APBB1: variants seen among roughly 807,000 people sequenced by gnomAD.
The protein encoded by APBB1 is adaptor protein FE65a2.
Under a neutral mutation model 78.4 loss-of-function variants are expected in APBB1, and 22 were observed. That is an observed-to-expected ratio of 0.28 (90% confidence interval 0.20 to 0.40). The LOEUF is 0.40. Among genes scored for constraint, APBB1 ranks in the 10% least tolerant of loss-of-function variants. APBB1 has a pLI of 1.00. For synonymous variants in APBB1, 369 were observed against 372.7 expected, an observed-to-expected ratio of 0.99 and a Z score of 0.12; for missense variants, 749 against 932.4, an observed-to-expected ratio of 0.80 and a Z score of 2.56.
chr11:6,404,340 A>C (rs1848688529), intron 2 of APBB1, among the ~76,000 whole-genome samples: 2 of 152,138 alleles, frequency 1.3e-5, no homozygotes, highest in Admixed American at 1.3e-4. Flanking sequence ...GCACACACAC[A>C]CAAACTTTAG....
At chr11:6,402,418 T>A in intron 7 of APBB1, 158 bp downstream of exon 7, 2 of 1,084,320 alleles carry the variant, frequency 1.8e-6, no homozygotes, top group Non-Finnish European at 2.7e-6. Context: ...CCCAAGGTCC[T>A]GGCCTGGGGT....
chr11:6,403,990 G>T lies in APBB1; in HGVS notation c.722-168C>A. ...AGCCTATAGTCTGGAGTCACCACAT[G>T]TGGGGCCACCAGTAGGGGACATGGC... On this transcript the variant is annotated intron_variant, in intron 2 of 14. Transcript: ENST00000609360. This position sits in a 1 kb window ranked among gnomAD's most constrained non-coding sequence, Gnocchi z 5.3. 1 of 657,518 alleles carries T rather than the reference G, an allele frequency of 1.5e-6. No homozygotes were observed. The highest frequency in any genetic ancestry group is 2.4e-6 in the Non-Finnish European group (1 of 424,048). 40.7% of individuals were successfully genotyped at this position (657,518 alleles called of 1,614,324 possible).
rs1235771475 is a variant in APBB1, at chr11:6,405,014, G to T, written c.722-1192C>A. On this transcript the variant is annotated intron_variant, in intron 2 of 14. Coordinates refer to ENST00000609360, the MANE Select transcript of APBB1 (RefSeq NM_001164.5). ...TGCTAGGGAATCTCCTTGGGGGGTG[G>T]GGAAGGGAGGAGAAAGGGAGGTTCA... 5 of 1,422,756 alleles carry T rather than the reference G, an allele frequency of 3.5e-6. No homozygotes were observed. In the African/African-American group the frequency reaches 7.2e-5, roughly 20 times the overall value. The allele number at this position is 1,422,756 out of a possible 1,614,324, so 88.1% of individuals were successfully genotyped here.
chr11:6,395,279 C>A lies in APBB1; in HGVS notation c.*255G>T. 2.6e-6 allele frequency: 1 copy of A among 390,182 alleles called. No homozygotes were observed. The highest frequency in any genetic ancestry group is 4.6e-6 in the Non-Finnish European group (1 of 219,026). 24.2% of individuals were successfully genotyped at this position (390,182 alleles called of 1,614,324 possible). A position where few individuals can be genotyped will look rare whatever the true frequency, so the allele number is the denominator to read the frequency against. On this transcript the variant is annotated 3_prime_UTR_variant, in exon 15 of 15. Coordinates refer to ENST00000609360, the MANE Select transcript of APBB1 (RefSeq NM_001164.5). The surrounding 1 kb of genome is among the most constrained non-coding windows in gnomAD (Gnocchi z 5.2). ...GCCTGGACCAGTTCCTCCTGTTCCA[C>A]CTGAAACACATGGGGATGGAGAACC...
At position 6,403,345 on chromosome 11, in the gene APBB1, C is replaced by G; in HGVS notation, c.1014G>C (p.Thr338=). The change falls in exon 5 of 15, where the codon ACG becomes ACC. Residue 338 remains threonine, a synonymous_variant. Coordinates refer to ENST00000609360, the MANE Select transcript of APBB1 (RefSeq NM_001164.5). This position sits in a 1 kb window ranked among gnomAD's most constrained non-coding sequence, Gnocchi z 5.3. The stretch of plus-strand genomic sequence containing the variant: ...TGAGGCTCTGAGCTGGGAAGGTCAA[C>G]GTCCCCTCCTCAGGTTCCTTCAGTC... ...ELGLKEPEEG[T]LTFPAQSLSP... 1 of 1,614,152 alleles carries G rather than the reference C, an allele frequency of 6.2e-7. No individual in the cohort carries two copies.
At chr11:6,405,984 G>C (rs1179852082) in intron 2 of APBB1, among the ~76,000 whole-genome samples, 1 of 152,140 alleles carries the variant, frequency 6.6e-6, no homozygotes, top group Non-Finnish European at 1.5e-5. Flanking sequence ...TCCTGACTGA[G>C]TCACACACAC....
chr11:6,414,545 A>G (rs977544175), intron 1 of APBB1, among the ~76,000 whole-genome samples: 4 of 152,144 alleles, frequency 2.6e-5, no homozygotes, highest in Admixed American at 2.6e-4. Context: ...GAAGCTCAGA[A>G]CTGGCTGGGA....
At position 6,403,129 on chromosome 11, in the gene APBB1, T is replaced by A; in HGVS notation, c.1104+16A>T. On this transcript the variant is annotated intron_variant, in intron 6 of 14. Coordinates refer to ENST00000609360, the MANE Select transcript of APBB1 (RefSeq NM_001164.5). The surrounding 1 kb of genome is among the most constrained non-coding windows in gnomAD (Gnocchi z 5.3). ...GAGGGCCCCAGACTCAGAATGGGTGTCAGTCTTGAACAAACCTTGATCCCT... is the reference window on the plus strand; with the variant it reads ...GAGGGCCCCAGACTCAGAATGGGTGACAGTCTTGAACAAACCTTGATCCCT... 1.9e-6 allele frequency: 3 copies of A among 1,601,104 alleles called. No homozygotes were observed. The highest frequency in any genetic ancestry group is 2.3e-5 in the South Asian group (2 of 88,428).
chr11:6,396,269 T>C (rs1590754713), intron 12 of APBB1, 54 bp from the exon 13 acceptor site: 3 of 1,458,594 alleles, frequency 2.1e-6, no homozygotes, highest in Middle Eastern at 1.8e-4. Flanking sequence ...ATACCCCAGC[T>C]CTACCCTGGA....
chr11:6,407,031 T>C (rs921896985), intron 2 of APBB1, among the ~76,000 whole-genome samples: 5 of 152,236 alleles, frequency 3.3e-5, no homozygotes, highest in Non-Finnish European at 5.9e-5. Flanking sequence ...ATTCATTTAA[T>C]TCATGAATTC....
intron 1 of APBB1, among the ~76,000 whole-genome samples, chr11:6,417,023 C>T (rs1369936269): frequency 6.6e-6 from 1 of 152,218 alleles, no homozygotes; most frequent in Non-Finnish European, 1.5e-5. Context: ...GGATTACAGG[C>T]GTGAGCCATC....
At chr11:6,404,749 G>A (rs763230684) in intron 2 of APBB1, 47 of 1,536,048 alleles carry the variant, frequency 3.1e-5, no homozygotes, top group Middle Eastern at 1.7e-4. Context: ...CCTCACCTGC[G>A]CTGCTGTCCT....
chr11:6,398,127 C>T (rs1351824991), intron 12 of APBB1, among the ~76,000 whole-genome samples: 1 of 152,192 alleles, frequency 6.6e-6, no homozygotes, highest in Non-Finnish European at 1.5e-5. Flanking sequence ...TGGAAAAAGG[C>T]TGTCAGATTT....
At chr11:6,402,464 G>T in intron 7 of APBB1, 112 bp downstream of exon 7, 1 of 1,285,720 alleles carries the variant, frequency 7.8e-7, no homozygotes, top group Non-Finnish European at 1.1e-6. Context: ...ACTTAGGATG[G>T]GCCAATATCC....
rs10769692 is a variant in APBB1 at position 6,411,994 on chromosome 11, C to G, written c.-14-633G>C. 0.23 allele frequency among the ~76,000 whole-genome samples: 34,957 copies of G among 152,176 alleles called. 4,462 individuals carry two copies. The highest frequency in any genetic ancestry group is 0.29 in the Non-Finnish European group (20,036 of 67,992). On this transcript the variant is annotated intron_variant, in intron 1 of 14. Coordinates refer to ENST00000609360, the MANE Select transcript of APBB1 (RefSeq NM_001164.5). This position sits in a 1 kb window ranked among gnomAD's most constrained non-coding sequence, Gnocchi z 5.2. ...CGGCTGCAATTCATGGCTTCTCTGG[C>G]CAGATGAAGCTACATCTTGGTGACA...
In APBB1 at chr11:6,403,248, A is replaced by G; in HGVS notation, c.1041-40T>C. ...TAATACTTGGCACAGGGCTCCCATA[A>G]ATGGAGCTGTCCCAAGGCCCCTTCC... On this transcript the variant is annotated intron_variant, in intron 5 of 14. Transcript: ENST00000609360. This position sits in a 1 kb window ranked among gnomAD's most constrained non-coding sequence, Gnocchi z 5.3. 6.2e-7 allele frequency: 1 copy of G among 1,610,648 alleles called. No homozygotes were observed. Among genetic ancestry groups the G allele is most frequent in the South Asian group, 1.1e-5 (1 of 90,564 alleles).
At chr11:6,404,166 G>A (rs1319498791) in intron 2 of APBB1, 1 of 353,768 alleles carries the variant, frequency 2.8e-6, no homozygotes, top group Admixed American at 4.3e-5. Context: ...TTAACACGAA[G>A]GTGAACACTT....
chr11:6,413,872 C>T (rs918229812), intron 1 of APBB1, among the ~76,000 whole-genome samples: 1 of 152,186 alleles, frequency 6.6e-6, no homozygotes, highest in Non-Finnish European at 1.5e-5. Context: ...GTCTGCCTCA[C>T]GTGGGGCTGT....
At chr11:6,410,081 C>CAAA (rs34079231) in intron 2 of APBB1, among the ~76,000 whole-genome samples, 1 of 102,914 alleles carries the variant, frequency 9.7e-6, no homozygotes, top group Non-Finnish European at 2.1e-5. Flanking sequence ...GACTCTGTCT[C>CAAA]AAAAAAAAAA....
Sources: allele counts gnomAD v4.1 joint callset (sites outside exome capture counted in the v4.1 genomes callset), GRCh38; gene constraint gnomAD v4.1.1; non-coding constraint Gnocchi (gnomAD v3.1); transcripts MANE v1.5; gene names NCBI Gene and HGNC (gene_info 2026-07-23, HGNC 2026-07-21).